VPS41: variants seen among roughly 807,000 people sequenced by gnomAD.
VPS41 encodes VPS41 subunit of HOPS complex, also known as vacuolar protein sorting-associated protein 41 homolog.
In VPS41, 85 loss-of-function variants were observed where a neutral mutation model predicts 130.9. The observed-to-expected ratio is 0.65, with a 90% confidence interval of 0.55 to 0.78. The LOEUF is 0.78. VPS41 is among the 30% of genes least tolerant of loss of function. The pLI, the probability that VPS41 is intolerant of heterozygous loss-of-function variation, is 0.00. For synonymous variants in VPS41, 335 were observed against 332.9 expected (o/e 1.01, Z -0.07); for missense variants, 874 against 1,018.7 (o/e 0.86, Z 1.93).
In VPS41 at chr7:38,901,966, G is replaced by C. The variant is rs1193938086; in HGVS notation, c.22-3837C>G. 2.0e-5 allele frequency among the ~76,000 whole-genome samples: 3 copies of C among 152,308 alleles called. No homozygotes were observed. In the South Asian group the frequency reaches 6.2e-4, roughly 32 times the overall value. ...AAGTGCTGTTGATCAAAGCAAAAGTGATAGGCTGGAAGATACCCAGTGACA... is the reference window on the plus strand; with the variant it reads ...AAGTGCTGTTGATCAAAGCAAAAGTCATAGGCTGGAAGATACCCAGTGACA... On this transcript the variant is annotated intron_variant, in intron 1 of 28. Coordinates refer to ENST00000310301, the MANE Select transcript of VPS41 (RefSeq NM_014396.4).
chr7:38,760,985 C>T (rs1783899356), intron 17 of VPS41, among the ~76,000 whole-genome samples: 1 of 152,026 alleles, frequency 6.6e-6, no homozygotes, highest in Admixed American at 6.6e-5. Flanking sequence ...GGCAAGAGAC[C>T]AGAACAAAAG....
intron 2 of VPS41, among the ~76,000 whole-genome samples, chr7:38,871,323 T>C (rs1325811109): frequency 6.6e-6 from 1 of 152,216 alleles, no homozygotes; most frequent in African/African-American, 2.4e-5. Flanking sequence ...CAAACTCAAA[T>C]TCTTACAGAA....
rs1352864945 is a variant in VPS41, at chr7:38,724,652, G to GGC, written c.*1592_*1593dup. ...CTTGTTGCCCAGGCTGGAGTGCAAT[G>GGC]GCGCGATCTCAGCTCACCACAACCT... is the stretch of plus-strand genomic sequence containing the variant. On this transcript the variant is annotated 3_prime_UTR_variant, in exon 29 of 29. Coordinates refer to ENST00000310301, the MANE Select transcript of VPS41 (RefSeq NM_014396.4). The GGC allele has an allele frequency of 1.3e-5, 2 of 150,928 alleles. No homozygotes were observed. Among genetic ancestry groups the GGC allele is most frequent in the African/African-American group, 5.0e-5 (2 of 40,174 alleles). 9.3% of individuals were successfully genotyped at this position (150,928 alleles called of 1,614,324 possible). A position where few individuals can be genotyped will look rare whatever the true frequency, so the allele number is the denominator to read the frequency against.
intron 6 of VPS41, among the ~76,000 whole-genome samples, chr7:38,818,541 T>C (rs1019029000): frequency 2.6e-5 from 4 of 152,230 alleles, no homozygotes; most frequent in African/African-American, 9.6e-5. Flanking sequence ...TTGTTACTGT[T>C]TCCTTCATTT....
chr7:38,787,453 T>G (rs1358885159), intron 10 of VPS41, among the ~76,000 whole-genome samples: 3 of 152,212 alleles, frequency 2.0e-5, no homozygotes, highest in African/African-American at 7.2e-5. Context: ...GAAAATATGA[T>G]GTCCCAAAAG....
At chr7:38,896,137 T>C (rs1786986310) in intron 2 of VPS41, among the ~76,000 whole-genome samples, 1 of 152,220 alleles carries the variant, frequency 6.6e-6, no homozygotes, top group African/African-American at 2.4e-5. Context: ...TTGGAGCATG[T>C]GTGGAAAGAT....
At chr7:38,842,278 C>T (rs955160186) in intron 4 of VPS41, among the ~76,000 whole-genome samples, 1 of 152,124 alleles carries the variant, frequency 6.6e-6, no homozygotes, top group East Asian at 1.9e-4. Flanking sequence ...TCTTAATTGA[C>T]ACCACTTCCC....
At chr7:38,762,686 A>C (rs1486529111) in intron 17 of VPS41, among the ~76,000 whole-genome samples, 1 of 152,192 alleles carries the variant, frequency 6.6e-6, no homozygotes, top group Non-Finnish European at 1.5e-5. Context: ...CAGCTATTTG[A>C]CTGATAATGT....
chr7:38,857,676 T>C (rs1024509794), intron 4 of VPS41, among the ~76,000 whole-genome samples: 1 of 152,182 alleles, frequency 6.6e-6, no homozygotes, highest in Non-Finnish European at 1.5e-5. Context: ...ATACCCACTG[T>C]TGACTAAAAA....
chr7:38,741,597 T>C (rs1795880249), intron 25 of VPS41, among the ~76,000 whole-genome samples: 1 of 152,198 alleles, frequency 6.6e-6, no homozygotes, highest in African/African-American at 2.4e-5. Flanking sequence ...GTTAATTCCC[T>C]CAAACGGATA....
At chr7:38,818,262 A>C (rs1009627620) in intron 6 of VPS41, among the ~76,000 whole-genome samples, 3 of 151,222 alleles carry the variant, frequency 2.0e-5, no homozygotes, top group Admixed American at 1.3e-4. Context: ...AAAAAAAAAA[A>C]CAGAAAGAAG....
At chr7:38,799,922 G>A (rs115857413) in intron 7 of VPS41, among the ~76,000 whole-genome samples, 3,252 of 152,116 alleles carry the variant, frequency 0.021, 46 homozygotes, top group African/African-American at 0.042. Flanking sequence ...TATGTGGGGT[G>A]GGGGGTACAG....
chr7:38,869,020 G>GGC, intron 3 of VPS41, 126 bp downstream of exon 3: 1 of 671,142 alleles, frequency 1.5e-6, no homozygotes, highest in Non-Finnish European at 2.5e-6. Flanking sequence ...CAAGGAGGAA[G>GGC]AGAGCAGTGG....
chr7:38,878,505 T>C (rs1389240196), intron 2 of VPS41, among the ~76,000 whole-genome samples: 1 of 152,094 alleles, frequency 6.6e-6, no homozygotes, highest in Non-Finnish European at 1.5e-5. Flanking sequence ...ACAAAAAATA[T>C]ACATAAAATT....
chr7:38,747,620 A>G (rs948623338), intron 22 of VPS41, among the ~76,000 whole-genome samples: 4 of 152,232 alleles, frequency 2.6e-5, no homozygotes, highest in Non-Finnish European at 5.9e-5. Context: ...AAACCACAAA[A>G]GAGTTTGCAG....
intron 7 of VPS41, among the ~76,000 whole-genome samples, chr7:38,815,241 T>C (rs1785021834): frequency 6.6e-6 from 1 of 152,008 alleles, no homozygotes; most frequent in African/African-American, 2.4e-5. Flanking sequence ...CTGGCCAACA[T>C]GGTAAAACCC....
intron 12 of VPS41, among the ~76,000 whole-genome samples, chr7:38,773,220 A>T (rs1408372248): frequency 1.3e-5 from 2 of 152,174 alleles, no homozygotes; most frequent in Non-Finnish European, 2.9e-5. Context: ...CACAATGCCA[A>T]TCTGAGGGTT....
chr7:38,728,554 T>C lies in VPS41; in HGVS notation c.2392A>G (p.Ile798Val), dbSNP rs762153423. Reference sequence around the variant, plus strand: ...AAAACCTTCTTACCTGATGGAAGAATAGGGGAAAGGCACGACTCACAGATG... The same window carrying C: ...AAAACCTTCTTACCTGATGGAAGAACAGGGGAAAGGCACGACTCACAGATG... ...ENICESCLSP[I>V]LPSDAAKPFS... Residue 798 changes from isoleucine (I) to valine (V), a missense_variant, in exon 27 of 29, where the codon ATT becomes GTT. Ile to Val is a conservative substitution (Grantham distance 29). Transcript: ENST00000310301. 6 of 1,614,132 alleles carry C rather than the reference T, an allele frequency of 3.7e-6. No individual in the cohort carries two copies. The Admixed American group carries it at 5.0e-5, about 13-fold the overall frequency.
chr7:38,795,295 T>C (rs577567215), intron 9 of VPS41, among the ~76,000 whole-genome samples, 170 bp downstream of exon 9: 2 of 152,282 alleles, frequency 1.3e-5, no homozygotes, highest in African/African-American at 4.8e-5. Context: ...AGAATACATC[T>C]TAAAACTTAT....
Sources: gnomAD v4.1 joint callset for allele counts (sites outside exome capture counted in the v4.1 genomes callset) on GRCh38, gnomAD v4.1.1 for gene constraint, MANE v1.5 for transcripts, NCBI Gene and HGNC (gene_info 2026-07-23, HGNC 2026-07-21) for gene names.